PIAS3: variants seen among roughly 807,000 people sequenced by gnomAD.
PIAS3 encodes the protein E3 SUMO-protein ligase PIAS3.
In PIAS3, 34 loss-of-function variants were observed where a neutral mutation model predicts 67.6. The observed-to-expected ratio is 0.50, with a 90% CI of 0.38 to 0.67. The LOEUF (loss-of-function observed/expected upper bound fraction) is 0.67, where lower values mean the gene tolerates loss of function less well. PIAS3 is among the 30% of genes least tolerant of loss of function. The probability of loss-of-function intolerance (pLI) is 0.00; values close to 1 mark genes in which losing one functional copy is unlikely to be tolerated. For synonymous variants in PIAS3, 341 were observed against 313.8 expected, an observed-to-expected ratio of 1.09 and a Z score of -0.92; for missense variants, 693 against 791.6, an observed-to-expected ratio of 0.88 and a Z score of 1.49.
At chr1:145,855,433 G>A (rs1653127591) in intron 5 of PIAS3, among the ~76,000 whole-genome samples, 1 of 151,490 alleles carries the variant, frequency 6.6e-6, no homozygotes, top group African/African-American at 2.4e-5. Context: ...AGTGAGCAGA[G>A]ATTGCACCAT....
chr1:145,856,659 G>A lies in PIAS3; in HGVS notation c.372C>T (p.His124=). Residue 124 remains histidine, a synonymous_variant, in exon 2 of 14, where the codon CAC becomes CAT. Transcript: ENST00000393045. ...GCAATGGTTTCATGGTGACATCAGG[G>A]TGCACAGGCTGGGGCAGAGGGGGGT... ...DMHPPLPQPV[H]PDVTMKPLPF... 1.3e-6 allele frequency: 2 copies of A among 1,597,410 alleles called. No individual in the cohort carries two copies. The highest frequency in any genetic ancestry group is 1.7e-6 in the Non-Finnish European group (2 of 1,170,448).
chr1:145,851,156 G>C lies in PIAS3; in HGVS notation c.1146-3C>G. 1.2e-6 allele frequency: 2 copies of C among 1,613,472 alleles called. No homozygotes were observed. The highest frequency in any genetic ancestry group is 1.7e-6 in the Non-Finnish European group (2 of 1,179,400). ...AACTAAGAATCTCCATAAATAAACT[G>C]GGGGAAGAGAGAGATGAAAATTCAC... On this transcript the variant is annotated splice_polypyrimidine_tract_variant and splice_region_variant and intron_variant, in intron 9 of 13. Coordinates refer to ENST00000393045, the MANE Select transcript of PIAS3 (RefSeq NM_006099.3).
In PIAS3 at chr1:145,850,912, C is replaced by T; in HGVS notation, c.1307G>A (p.Gly436Glu). 6.2e-7 allele frequency: 1 copy of T among 1,614,050 alleles called. No homozygotes were observed. The highest frequency in any genetic ancestry group is 8.5e-7 in the Non-Finnish European group (1 of 1,179,938). ...CTTCTTCTTATTCTCTGATGGATCT[C>T]CCCCCTGGACTGGGCTGTACTGGAG... ...DGLQYSPVQGGDPSENKKKVE... is the reference protein window; with the variant it reads ...DGLQYSPVQGEDPSENKKKVE... Residue 436 changes from glycine to glutamate, a missense_variant, in exon 11 of 14, where the codon GGA (glycine) becomes GAA (glutamate). Physicochemically the swap from Gly to Glu is moderately conservative, Grantham distance 98. This residue lies in a region of PIAS3 where 270 missense variants were observed against 261.0 expected (regional missense o/e 1.03). Transcript: ENST00000393045.
In PIAS3 at chr1:145,849,544, C is replaced by A; in HGVS notation, c.1789G>T (p.Val597Leu). Residue 597 changes from valine (V) to leucine (L), a missense_variant, in exon 14 of 14, where the codon GTG becomes TTG. Transcript: ENST00000393045. Reference sequence around the variant, plus strand: ...TCCCTCAAGGCCCCCCCAGGGGCCACAATGCTGCTGACACGGCCAGGAGGG... The same window carrying A: ...TCCCTCAAGGCCCCCCCAGGGGCCAAAATGCTGCTGACACGGCCAGGAGGG... Reference protein sequence around the residue: ...APPPGRVSSIVAPGGALREGH... With the variant: ...APPPGRVSSILAPGGALREGH... 6.2e-7 allele frequency: 1 copy of A among 1,601,068 alleles called. No individual in the cohort carries two copies. Among genetic ancestry groups the A allele is most frequent in the Non-Finnish European group, 8.5e-7 (1 of 1,174,164 alleles).
At chr1:145,850,620 A>C (rs781856227) in intron 11 of PIAS3, 34 bp from the exon 12 acceptor site, 5 of 1,608,968 alleles carry the variant, frequency 3.1e-6, no homozygotes, top group African/African-American at 1.3e-5. Flanking sequence ...CAGCCAGCAA[A>C]CCACAGATGC....
At chr1:145,855,692 G>C (rs1465850828) in intron 5 of PIAS3, 44 bp downstream of exon 5, 11 of 1,022,194 alleles carry the variant, frequency 1.1e-5, no homozygotes, top group Non-Finnish European at 1.6e-5. Context: ...TTTATGAACT[G>C]AAACGGTAAG....
chr1:145,849,903 G>C, intron 13 of PIAS3, 191 bp from the exon 14 acceptor site: 1 of 1,442,994 alleles, frequency 6.9e-7, no homozygotes, highest in Non-Finnish European at 9.0e-7. Context: ...CCTTGAGAGA[G>C]CTCCTCCAAC....
chr1:145,854,260 T>A lies in PIAS3; in HGVS notation c.910+198A>T, dbSNP rs1334040427. 6 of 604,854 alleles carry A rather than the reference T, an allele frequency of 9.9e-6. No homozygotes were observed. In the East Asian group the frequency reaches 1.4e-4, roughly 14 times the overall value. The allele number at this position is 604,854 out of a possible 1,614,324, so 37.5% of individuals were successfully genotyped here. A position where few individuals can be genotyped will look rare whatever the true frequency, so the allele number is the denominator to read the frequency against. On this transcript the variant is annotated intron_variant, in intron 7 of 13. Coordinates refer to ENST00000393045, the MANE Select transcript of PIAS3 (RefSeq NM_006099.3). The stretch of plus-strand genomic sequence containing the variant: ...TGCAAAGCAGATACATGATTGGAAA[T>A]TCAAGGGTGCCTGGGAGTGGTCCAA...
At position 145,856,709 on chromosome 1, in the gene PIAS3, C is replaced by T. The variant is rs1553735712; in HGVS notation, c.322G>A (p.Gly108Ser). The T allele has an allele frequency of 2.5e-6, 4 of 1,613,196 alleles. No individual in the cohort carries two copies. Among genetic ancestry groups the T allele is most frequent in the Non-Finnish European group, 3.4e-6 (4 of 1,179,366 alleles). ...TGCATGTCCACCTCACGCTTGGGGC[C>T]CAGCAGGGTGCCAGGGGCCAACAGC... is the stretch of plus-strand genomic sequence containing the variant. ...PTLLAPGTLL[G>S]PKREVDMHPP... Residue 108 changes from glycine (G) to serine (S), a missense_variant, in exon 2 of 14, where the codon GGC becomes AGC. Physicochemically the swap from Gly to Ser is moderately conservative, Grantham distance 56 (BLOSUM62 0). Around this residue, in one of 3 missense-constraint regions of PIAS3, gnomAD observed 308 missense variants for 348.8 expected, o/e 0.88. Transcript: ENST00000393045.
Position 145,848,689 on chromosome 1 carries a change from A to T in PIAS3, c.*757T>A. 1 of 552,296 alleles carries T rather than the reference A, an allele frequency of 1.8e-6. No individual in the cohort carries two copies. Among genetic ancestry groups the T allele is most frequent in the East Asian group, 3.1e-5 (1 of 32,700 alleles). The allele number at this position is 552,296 out of a possible 1,614,324, so 34.2% of individuals were successfully genotyped here. Reference sequence around the variant, plus strand: ...GAAAGGTGCAGAATGAGCCAGGCCTAACTACAGGGCCATGAGCCTCTAGAA... The same window carrying T: ...GAAAGGTGCAGAATGAGCCAGGCCTTACTACAGGGCCATGAGCCTCTAGAA... On this transcript the variant is annotated 3_prime_UTR_variant, in exon 14 of 14. Coordinates refer to ENST00000393045, the MANE Select transcript of PIAS3 (RefSeq NM_006099.3).
At position 145,859,033 on chromosome 1, in the gene PIAS3, C is replaced by T. The variant is rs1005147239; in HGVS notation, c.-43G>A. 6 of 1,537,864 alleles carry T rather than the reference C, an allele frequency of 3.9e-6. No homozygotes were observed. The highest frequency in any genetic ancestry group is 1.4e-5 in the African/African-American group (1 of 71,334). On this transcript the variant is annotated 5_prime_UTR_variant, in exon 1 of 14. Coordinates refer to ENST00000393045, the MANE Select transcript of PIAS3 (RefSeq NM_006099.3). Reference sequence around the variant, plus strand: ...GCCCCAGCCGGAGCCGGAGCTCAGGCCCAGGGACCGGCGCACAACTCTCCA... The same window carrying T: ...GCCCCAGCCGGAGCCGGAGCTCAGGTCCAGGGACCGGCGCACAACTCTCCA...
chr1:145,856,203 T>G (rs894128834), intron 3 of PIAS3, 85 bp from the exon 4 acceptor site: 15 of 1,324,522 alleles, frequency 1.1e-5, no homozygotes, highest in East Asian at 2.3e-5. Flanking sequence ...GAAAGTCAGA[T>G]GTCCAGGAGA....
chr1:145,854,799 A>G lies in PIAS3; in HGVS notation c.751T>C (p.Ser251Pro). 1 of 1,614,144 alleles carries G rather than the reference A, an allele frequency of 6.2e-7. No individual in the cohort carries two copies. The highest frequency in any genetic ancestry group is 8.5e-7 in the Non-Finnish European group (1 of 1,180,008). ...PINITPLARLSATVPNTIVVN... is the reference protein window; with the variant it reads ...PINITPLARLPATVPNTIVVN... ...ACAATGGTGTTGGGAACAGTGGCTG[A>G]GAGTCGAGCCAGGGGTGTGATGTTG... is the stretch of plus-strand genomic sequence containing the variant. Residue 251 changes from serine to proline, a missense_variant, in exon 6 of 14, where the codon TCA becomes CCA. Coordinates refer to ENST00000393045, the MANE Select transcript of PIAS3 (RefSeq NM_006099.3).
chr1:145,856,161 C>G, intron 3 of PIAS3, 43 bp from the exon 4 acceptor site: 4 of 1,555,434 alleles, frequency 2.6e-6, no homozygotes, highest in Non-Finnish European at 3.6e-6. Context: ...CATGTAGCCC[C>G]CAGAGGGCAA....
chr1:145,850,269 C>G lies in PIAS3; in HGVS notation c.1583G>C (p.Gly528Ala). 6.2e-7 allele frequency: 1 copy of G among 1,614,196 alleles called. No homozygotes were observed. Residue 528 changes from glycine to alanine, a missense_variant and splice_region_variant, in exon 13 of 14, where the codon GGT becomes GCT. Around this residue, in one of 3 missense-constraint regions of PIAS3, gnomAD observed 270 missense variants for 261.0 expected, o/e 1.03. Transcript: ENST00000393045. ...PAFPLGADIQ[G>A]LDLFSFLQTE... is the part of the protein sequence containing the mutation. ...CTGAAGAAATGAAAATAAATCTAAA[C>G]CTGGCAGGAAAAGAAAAATCAAAAT...
chr1:145,852,213 G>A (rs782260589), intron 9 of PIAS3, among the ~76,000 whole-genome samples: 2 of 152,136 alleles, frequency 1.3e-5, no homozygotes, highest in African/African-American at 2.4e-5. Flanking sequence ...AGCTATGATT[G>A]TGCTACTATA....
Position 145,850,232 on chromosome 1 carries a change from C to A in PIAS3, c.1620G>T (p.Gln540His), listed in dbSNP as rs1553733840. ...ACCTTCTGAAGAAAGAACCACTTAC[C>A]TGACTCTCTGTCTGAAGAAATGAAA... ...DLFSFLQTES[Q>H]HYGPSVITSL... Residue 540 changes from glutamine to histidine, a missense_variant and splice_region_variant, in exon 13 of 14, where the codon CAG becomes CAT. This residue lies in a region of PIAS3 where 270 missense variants were observed against 261.0 expected (regional missense o/e 1.03). Coordinates refer to ENST00000393045, the MANE Select transcript of PIAS3 (RefSeq NM_006099.3). The A allele has an allele frequency of 6.2e-7, 1 of 1,614,208 alleles. No homozygotes were observed. The highest frequency in any genetic ancestry group is 8.5e-7 in the Non-Finnish European group (1 of 1,180,028).
intron 9 of PIAS3, among the ~76,000 whole-genome samples, chr1:145,853,176 G>A (rs1205708555): frequency 1.3e-5 from 2 of 152,166 alleles, no homozygotes; most frequent in African/African-American, 4.8e-5. Context: ...TTAGGAGGCT[G>A]AAGTGGGCAG....
In PIAS3 at chr1:145,859,021, C is replaced by A. The variant is rs1354325052; in HGVS notation, c.-31G>T. 5 of 1,542,848 alleles carry A rather than the reference C, an allele frequency of 3.2e-6. No individual in the cohort carries two copies. Among genetic ancestry groups the A allele is most frequent in the South Asian group, 1.2e-5 (1 of 83,178 alleles). On this transcript the variant is annotated 5_prime_UTR_variant, in exon 1 of 14. Transcript: ENST00000393045. ...GACATCGCAGGCGCCCCAGCCGGAG[C>A]CGGAGCTCAGGCCCAGGGACCGGCG... is the stretch of plus-strand genomic sequence containing the variant.
Sources: gnomAD v4.1 joint callset for allele counts (sites outside exome capture counted in the v4.1 genomes callset) on GRCh38, gnomAD v4.1.1 for gene constraint, gnomAD v4.1.1 regional missense constraint, MANE v1.5 for transcripts, NCBI Gene and HGNC (gene_info 2026-07-23, HGNC 2026-07-21) for gene names.